NCKAP5: variants seen among roughly 807,000 people sequenced by gnomAD.
NCKAP5 encodes the protein NCK associated protein 5, also known as nck-associated protein 5.
NCKAP5 carries 92 observed loss-of-function variants against 167.0 expected under a neutral mutation model. The ratio of observed to expected loss-of-function variants is 0.55; its 90% CI spans 0.47 to 0.66. NCKAP5 has a LOEUF of 0.66. Among genes scored for constraint, NCKAP5 ranks in the 30% least tolerant of loss-of-function variants. The probability of loss-of-function intolerance (pLI) is 0.00; values close to 1 mark genes in which losing one functional copy is unlikely to be tolerated. For missense variants in NCKAP5, 2,378 were observed against 2,315.0 expected, an observed-to-expected ratio of 1.03 and a Z score of -0.56; for synonymous variants, 891 against 877.4, an observed-to-expected ratio of 1.02 and a Z score of -0.27.
chr2:132,725,615 G>T lies in NCKAP5; in HGVS notation c.5713+12C>A. 1.2e-6 allele frequency: 2 copies of T among 1,602,140 alleles called. No homozygotes were observed. The highest frequency in any genetic ancestry group is 2.3e-5 in the South Asian group (2 of 88,260). On this transcript the variant is annotated intron_variant, in intron 19 of 19. Transcript: ENST00000409261. The stretch of plus-strand genomic sequence containing the variant: ...AGGAACCTGCAGGGCCAGCAAGTTC[G>T]CTGGTTGTTACCTGGGGCAGCGCTC...
At chr2:133,012,226 CT>C (rs1158035009) in intron 6 of NCKAP5, among the ~76,000 whole-genome samples, 2 of 152,076 alleles carry the variant, frequency 1.3e-5, no homozygotes, top group Non-Finnish European at 2.9e-5. Context: ...TGACTTTCCC[CT>C]GATCACTATA....
intron 8 of NCKAP5, among the ~76,000 whole-genome samples, chr2:132,894,475 G>T (rs1490366904): frequency 6.6e-6 from 1 of 152,140 alleles, no homozygotes; most frequent in Non-Finnish European, 1.5e-5. Flanking sequence ...AGAAAAAATT[G>T]CAGTGAATGT....
intron 8 of NCKAP5, among the ~76,000 whole-genome samples, chr2:132,947,021 A>G (rs1355531939): frequency 1.3e-5 from 2 of 152,260 alleles, no homozygotes; most frequent in Non-Finnish European, 2.9e-5. Flanking sequence ...CATACATATA[A>G]AAAATTCAGT....
At chr2:133,356,347 T>C (rs886089065) in intron 3 of NCKAP5, among the ~76,000 whole-genome samples, 3 of 152,184 alleles carry the variant, frequency 2.0e-5, no homozygotes, top group East Asian at 3.8e-4. Context: ...ATTATGTGTA[T>C]TGGGGCCCTG....
intron 6 of NCKAP5, among the ~76,000 whole-genome samples, chr2:133,035,509 G>A (rs769247522): frequency 1.3e-5 from 2 of 151,866 alleles, no homozygotes; most frequent in African/African-American, 2.4e-5. Flanking sequence ...CATATGTTAC[G>A]TAACAAAACA....
intron 6 of NCKAP5, among the ~76,000 whole-genome samples, chr2:133,072,902 C>A (rs1468267758): frequency 6.6e-6 from 1 of 152,066 alleles, no homozygotes; most frequent in Admixed American, 6.5e-5. Context: ...AAAAACCCAC[C>A]ATGGCTCCGA....
At position 133,386,645 on chromosome 2, in the gene NCKAP5, C is replaced by G. The variant is rs191861760; in HGVS notation, c.70-83535G>C. Among the ~76,000 whole-genome samples the G allele has an allele frequency of 1.8e-3, 274 of 152,094 alleles. 2 individuals carry two copies. Among genetic ancestry groups the G allele is most frequent in the African/African-American group, 5.8e-3 (242 of 41,490 alleles). Reference sequence around the variant, plus strand: ...ATTGATCTGTCTAATGTTGACAGTGCGGTGTTAAAGTCTCCCATTATTATC... The same window carrying G: ...ATTGATCTGTCTAATGTTGACAGTGGGGTGTTAAAGTCTCCCATTATTATC... On this transcript the variant is annotated intron_variant, in intron 3 of 19. Transcript: ENST00000409261.
At chr2:133,190,420 A>T (rs1199291732) in intron 5 of NCKAP5, among the ~76,000 whole-genome samples, 1 of 150,000 alleles carries the variant, frequency 6.7e-6, no homozygotes, top group Non-Finnish European at 1.5e-5. Flanking sequence ...ATTGGAAAAA[A>T]CTAAAGTTCA....
intron 19 of NCKAP5, among the ~76,000 whole-genome samples, chr2:132,673,704 G>GT (rs1011329019): frequency 2.0e-5 from 3 of 151,880 alleles, no homozygotes; most frequent in East Asian, 1.9e-4. Flanking sequence ...ATGGTAATAT[G>GT]TTTTTTTCTA....
intron 3 of NCKAP5, among the ~76,000 whole-genome samples, chr2:133,493,382 A>G (rs1004734391): frequency 6.6e-6 from 1 of 152,196 alleles, no homozygotes; most frequent in African/African-American, 2.4e-5. Flanking sequence ...ATACCTTCAT[A>G]CTATTCTTTT....
intron 8 of NCKAP5, among the ~76,000 whole-genome samples, chr2:132,920,678 T>TATGG (rs1310367489): frequency 8.7e-6 from 1 of 115,482 alleles, no homozygotes; most frequent in Admixed American, 1.2e-4. Context: ...TATATATATA[T>TATGG]AAGTTAGTTT....
At chr2:132,914,748 A>G (rs1694730935) in intron 8 of NCKAP5, among the ~76,000 whole-genome samples, 1 of 152,042 alleles carries the variant, frequency 6.6e-6, no homozygotes, top group African/African-American at 2.4e-5. Context: ...TTCAATACAA[A>G]TGAGATAGTT....
chr2:133,124,480 CAATAA>C (rs934393276), intron 6 of NCKAP5, among the ~76,000 whole-genome samples: 61 of 152,288 alleles, frequency 4.0e-4, no homozygotes, highest in African/African-American at 1.4e-3. Context: ...AGCTGTGACA[CAATAA>C]AATGTGTAGT....
At chr2:133,023,544 C>T (rs918781705) in intron 6 of NCKAP5, among the ~76,000 whole-genome samples, 1 of 152,200 alleles carries the variant, frequency 6.6e-6, no homozygotes, top group Non-Finnish European at 1.5e-5. Context: ...TGAATCCCAT[C>T]ACCCAGGTAC....
chr2:133,434,800 A>T (rs1467505031), intron 3 of NCKAP5, among the ~76,000 whole-genome samples: 1 of 152,164 alleles, frequency 6.6e-6, no homozygotes. Flanking sequence ...TATTTTTTTT[A>T]AAGGACCACA....
chr2:132,687,843 G>A (rs1686169459), intron 19 of NCKAP5, among the ~76,000 whole-genome samples: 1 of 151,776 alleles, frequency 6.6e-6, no homozygotes, highest in Non-Finnish European at 1.5e-5. Context: ...TCACAAAAAT[G>A]TTTGAGTATA....
chr2:133,529,958 C>T (rs539910579), intron 2 of NCKAP5, among the ~76,000 whole-genome samples: 4 of 152,210 alleles, frequency 2.6e-5, no homozygotes, highest in African/African-American at 9.6e-5. Flanking sequence ...CCCAGTCTAC[C>T]TCTTGTCTCT....
chr2:133,170,381 AG>A (rs990462591), intron 5 of NCKAP5, among the ~76,000 whole-genome samples: 1 of 152,182 alleles, frequency 6.6e-6, no homozygotes, highest in Non-Finnish European at 1.5e-5. Context: ...GGTTGTAAAA[AG>A]CTTGTGCAGA....
Position 132,714,844 on chromosome 2 carries a change from C to T in NCKAP5, c.5713+10783G>A, listed in dbSNP as rs146308975. On this transcript the variant is annotated intron_variant, in intron 19 of 19. Coordinates refer to ENST00000409261, the MANE Select transcript of NCKAP5 (RefSeq NM_207363.3). Reference sequence around the variant, plus strand: ...AAAAAAAAAAAATCAGTTAATGACACAGCCAGCGCTGAAACCCAGGTATGT... The same window carrying T: ...AAAAAAAAAAAATCAGTTAATGACATAGCCAGCGCTGAAACCCAGGTATGT... 248 of 449,856 alleles carry T rather than the reference C, an allele frequency of 5.5e-4. 2 individuals are homozygous for T. The highest frequency in any genetic ancestry group is 3.9e-3 in the African/African-American group (191 of 49,172). 27.9% of individuals were successfully genotyped at this position (449,856 alleles called of 1,614,324 possible). A position where few individuals can be genotyped will look rare whatever the true frequency, so the allele number is the denominator to read the frequency against.
Sources: gnomAD v4.1 joint callset for allele counts (sites outside exome capture counted in the v4.1 genomes callset) on GRCh38, gnomAD v4.1.1 for gene constraint, MANE v1.5 for transcripts, NCBI Gene and HGNC (gene_info 2026-07-23, HGNC 2026-07-21) for gene names.